Variants in DLG2 observed in about 807,000 individuals in gnomAD.
DLG2 encodes disks large homolog 2.
DLG2 carries 45 observed loss-of-function variants against 132.5 expected under a neutral mutation model. The observed-to-expected ratio is 0.34, with a 90% CI of 0.27 to 0.44. The LOEUF (loss-of-function observed/expected upper bound fraction) is 0.44, where lower values mean the gene tolerates loss of function less well. DLG2 is among the 20% of genes least tolerant of loss of function. The pLI is 1.00. For synonymous variants in DLG2, 424 were observed against 419.6 expected (o/e 1.01, Z -0.13); for missense variants, 1,045 against 1,196.9 (o/e 0.87, Z 1.87).
intron 16 of DLG2, among the ~76,000 whole-genome samples, chr11:83,856,811 C>A (rs2060602016): frequency 6.6e-6 from 1 of 152,168 alleles, no homozygotes; most frequent in African/African-American, 2.4e-5. Context: ...TTTTGCTGTA[C>A]AGAAGCTCTT....
chr11:84,115,777 C>T lies in DLG2; in HGVS notation c.625-16730G>A, dbSNP rs914536813. On this transcript the variant is annotated intron_variant, in intron 9 of 27. Transcript: ENST00000376104. ...CTTTGGTCACTTCCTATCTTATCAC[C>T]CTATTATTTTCTTCATGTCCTTTAT... 2.6e-5 allele frequency among the ~76,000 whole-genome samples: 4 copies of T among 152,204 alleles called. No homozygotes were observed. In the East Asian group the frequency reaches 7.7e-4, roughly 29 times the overall value.
rs569013592 is a variant in DLG2, at chr11:83,461,236, C to G, written c.2821+766G>C. ...ATGTTGGCCAGGCTGGTCTCGAACT[C>G]CTGACCTCAGGTGATCCACCCACCT... On this transcript the variant is annotated intron_variant, in intron 27 of 27. Transcript: ENST00000376104. 2.0e-5 allele frequency among the ~76,000 whole-genome samples: 3 copies of G among 152,110 alleles called. No individual in the cohort carries two copies. In the South Asian group the frequency reaches 6.2e-4, roughly 32 times the overall value.
intron 7 of DLG2, among the ~76,000 whole-genome samples, chr11:84,354,808 C>T (rs562220509): frequency 3.9e-5 from 6 of 152,182 alleles, no homozygotes; most frequent in African/African-American, 1.4e-4. Context: ...GTCAATACTT[C>T]ATGTGAAAAG....
At chr11:83,838,040 T>C (rs1050099723) in intron 16 of DLG2, among the ~76,000 whole-genome samples, 1 of 150,280 alleles carries the variant, frequency 6.7e-6, no homozygotes, top group East Asian at 2.0e-4. Context: ...TGAAGCTCTA[T>C]ATAGTACATA....
At chr11:85,436,604 G>T (rs2091493018) in intron 3 of DLG2, among the ~76,000 whole-genome samples, 1 of 152,160 alleles carries the variant, frequency 6.6e-6, no homozygotes, top group Non-Finnish European at 1.5e-5. Flanking sequence ...AAACCACAGT[G>T]AGATACTATC....
intron 19 of DLG2, among the ~76,000 whole-genome samples, chr11:83,606,859 GGAGCTTGCAGT>G (rs1369538059): frequency 6.6e-6 from 1 of 152,060 alleles, no homozygotes; most frequent in African/African-American, 2.4e-5. Flanking sequence ...CCCGGGAGGC[GGAGCTTGCAGT>G]GAGCAGAGAT....
At chr11:84,968,155 C>T (rs1037992674) in intron 6 of DLG2, among the ~76,000 whole-genome samples, 1 of 151,962 alleles carries the variant, frequency 6.6e-6, no homozygotes, top group Non-Finnish European at 1.5e-5. Flanking sequence ...CATAAGACAT[C>T]CATGTAGTTA....
chr11:84,855,362 G>A (rs2082644566), intron 6 of DLG2, among the ~76,000 whole-genome samples: 1 of 152,032 alleles, frequency 6.6e-6, no homozygotes, highest in South Asian at 2.1e-4. Context: ...TTTATTGACA[G>A]AATTGCTATT....
intron 6 of DLG2, among the ~76,000 whole-genome samples, chr11:85,050,757 A>G (rs1301505383): frequency 6.6e-6 from 1 of 152,194 alleles, no homozygotes; most frequent in Non-Finnish European, 1.5e-5. Context: ...AAACTTGATT[A>G]CCACTCAATT....
At chr11:83,942,867 A>G (rs1242572837) in intron 14 of DLG2, among the ~76,000 whole-genome samples, 2 of 152,228 alleles carry the variant, frequency 1.3e-5, no homozygotes, top group East Asian at 1.9e-4. Context: ...TCATTTCACA[A>G]TGTGATATGG....
At chr11:83,660,505 A>T (rs1221811313) in intron 18 of DLG2, among the ~76,000 whole-genome samples, 1 of 152,252 alleles carries the variant, frequency 6.6e-6, no homozygotes, top group East Asian at 1.9e-4. Context: ...GCCTGAGTCC[A>T]GTAGCTGCTA....
chr11:84,569,360 A>G (rs904442689), intron 6 of DLG2, among the ~76,000 whole-genome samples: 1 of 152,220 alleles, frequency 6.6e-6, no homozygotes, highest in African/African-American at 2.4e-5. Context: ...TGACACCTCA[A>G]AAAGAAACTA....
At chr11:84,121,394 A>G (rs1350528874) in intron 9 of DLG2, among the ~76,000 whole-genome samples, 2 of 152,208 alleles carry the variant, frequency 1.3e-5, no homozygotes, top group Non-Finnish European at 2.9e-5. Context: ...AAATGAATAT[A>G]TAGGTCACTT....
At chr11:84,647,676 G>A (rs757693289) in intron 6 of DLG2, among the ~76,000 whole-genome samples, 105 of 152,276 alleles carry the variant, frequency 6.9e-4, no homozygotes, top group African/African-American at 2.4e-3. Context: ...TTAAATGTTC[G>A]TAGATGACTT....
At chr11:84,385,812 G>A (rs1161584354) in intron 7 of DLG2, among the ~76,000 whole-genome samples, 1 of 152,068 alleles carries the variant, frequency 6.6e-6, no homozygotes, top group Non-Finnish European at 1.5e-5. Flanking sequence ...AATCTTAAAT[G>A]AACAATAAAG....
chr11:85,535,698 A>G (rs1005093411), intron 3 of DLG2, among the ~76,000 whole-genome samples: 6 of 152,230 alleles, frequency 3.9e-5, no homozygotes, highest in Admixed American at 3.3e-4. Flanking sequence ...TCATAGCAGC[A>G]TTATTCAAAA....
intron 6 of DLG2, among the ~76,000 whole-genome samples, chr11:85,038,429 T>G (rs553331473): frequency 3.3e-5 from 5 of 152,184 alleles, no homozygotes; most frequent in Admixed American, 3.3e-4. Context: ...GATCATTTCT[T>G]TCAAGCCTCA....
chr11:85,569,359 G>C (rs905664923), intron 3 of DLG2, among the ~76,000 whole-genome samples: 1 of 152,230 alleles, frequency 6.6e-6, no homozygotes, highest in South Asian at 2.1e-4. Flanking sequence ...AGTATTTATA[G>C]CTAAATGTTT....
At chr11:84,842,324 G>C (rs1388275867) in intron 6 of DLG2, among the ~76,000 whole-genome samples, 2 of 151,946 alleles carry the variant, frequency 1.3e-5, no homozygotes, top group African/African-American at 4.8e-5. Flanking sequence ...TTAAAACTGA[G>C]ATTCAAGTAA....
Sources: allele counts gnomAD v4.1 joint callset (sites outside exome capture counted in the v4.1 genomes callset), GRCh38; gene constraint gnomAD v4.1.1; transcripts MANE v1.5; gene names NCBI Gene and HGNC (gene_info 2026-07-23, HGNC 2026-07-21).